ARSG: variants seen among roughly 807,000 people sequenced by gnomAD.
ARSG encodes ASG.
Under a neutral mutation model 50.5 loss-of-function variants are expected in ARSG, and 37 were observed. The observed-to-expected ratio is 0.73, with a 90% CI of 0.56 to 0.96. The LOEUF (loss-of-function observed/expected upper bound fraction) is 0.96, where lower values mean the gene tolerates loss of function less well. Ranked by LOEUF, ARSG falls within the 50% of genes least tolerant of loss-of-function variation. The pLI is 0.00. For missense variants in ARSG, 629 were observed against 675.3 expected (o/e 0.93, Z 0.76); for synonymous variants, 225 against 254.6 (o/e 0.88, Z 1.11).
At chr17:68,348,938 G>A (rs1268350305) in intron 4 of ARSG, among the ~76,000 whole-genome samples, 1 of 152,148 alleles carries the variant, frequency 6.6e-6, no homozygotes, top group Non-Finnish European at 1.5e-5. Context: ...CTATGATTTA[G>A]ATCAGTGGTT....
intron 8 of ARSG, chr17:68,379,949 C>T (rs190645015): frequency 2.4e-5 from 20 of 821,034 alleles, no homozygotes; most frequent in South Asian, 2.2e-4. Flanking sequence ...CTGTGAGATA[C>T]GTACAACTGA....
chr17:68,289,731 G>A (rs527618392), upstream of ARSG, among the ~76,000 whole-genome samples: 1 of 152,286 alleles, frequency 6.6e-6, no homozygotes, highest in African/African-American at 2.4e-5. Flanking sequence ...ACAAGACTAT[G>A]GTGTTGAAAC....
intron 1 of ARSG, chr17:68,268,382 G>C (rs1238118281): frequency 2.6e-5 from 4 of 152,076 alleles, no homozygotes; most frequent in African/African-American, 9.7e-5. Context: ...GATAAGGACT[G>C]GCCATAAAAA....
chr17:68,362,723 T>C (rs8075388), intron 6 of ARSG, among the ~76,000 whole-genome samples: 80,303 of 151,970 alleles, frequency 0.53, 21,375 homozygotes, highest in Admixed American at 0.58. Context: ...GTCAGGTCAG[T>C]GCTCAAACAG....
chr17:68,419,017 C>CCA (rs1555795833), intron 11 of ARSG, among the ~76,000 whole-genome samples: 3 of 112,960 alleles, frequency 2.7e-5, no homozygotes, highest in Non-Finnish European at 5.8e-5. Context: ...ATAGCAAAGC[C>CCA]AAAAAAAAAA....
At chr17:68,364,781 G>T (rs2079466162) in intron 6 of ARSG, among the ~76,000 whole-genome samples, 1 of 152,196 alleles carries the variant, frequency 6.6e-6, no homozygotes, top group Non-Finnish European at 1.5e-5. Flanking sequence ...GAGTCACACT[G>T]TGATATAATC....
At chr17:68,369,770 T>C (rs1335311493) in intron 7 of ARSG, among the ~76,000 whole-genome samples, 1 of 152,108 alleles carries the variant, frequency 6.6e-6, no homozygotes, top group African/African-American at 2.4e-5. Flanking sequence ...GGGTGCATAA[T>C]AGATGCTCAA....
chr17:68,309,257 G>A (rs1400596672), intron 2 of ARSG, among the ~76,000 whole-genome samples: 2 of 152,218 alleles, frequency 1.3e-5, no homozygotes, highest in Non-Finnish European at 2.9e-5. Context: ...GCCCACAAGC[G>A]CAGCACGCAG....
intron 2 of ARSG, among the ~76,000 whole-genome samples, chr17:68,323,941 C>T (rs1035556589): frequency 4.0e-5 from 6 of 151,862 alleles, no homozygotes; most frequent in African/African-American, 7.3e-5. Context: ...GGTGTGGTGG[C>T]GGGTGCCTGT....
chr17:68,286,614 T>C (rs6501351), upstream of ARSG, among the ~76,000 whole-genome samples: 92,818 of 151,744 alleles, frequency 0.61, 28,924 homozygotes, highest in African/African-American at 0.73. Context: ...AAGCGATTCT[T>C]CTGCCTCAGC....
chr17:68,378,394 C>T lies in ARSG; in HGVS notation c.983-6670C>T, dbSNP rs548236416. On this transcript the variant is annotated intron_variant, in intron 8 of 11. Coordinates refer to ENST00000621439, the MANE Select transcript of ARSG (RefSeq NM_001267727.2). This position sits in a 1 kb window ranked among gnomAD's most constrained non-coding sequence, Gnocchi z 4.4. ...CCCCTGCTTGTCTTCCCTTTCCTTT[C>T]CTGGCCGAGCCGCCCAGCTCAGCTG... Among the ~76,000 whole-genome samples, 6 of 152,352 alleles carry T rather than the reference C, an allele frequency of 3.9e-5. No homozygotes were observed. The highest frequency in any genetic ancestry group is 1.4e-4 in the African/African-American group (6 of 41,576).
chr17:68,388,208 G>C (rs1053560378), intron 9 of ARSG, among the ~76,000 whole-genome samples: 1 of 152,150 alleles, frequency 6.6e-6, no homozygotes, highest in African/African-American at 2.4e-5. Flanking sequence ...ATGGGAAAAG[G>C]TTTCAGTAGT....
At position 68,271,644 on chromosome 17, in the gene ARSG, A is replaced by G. The variant is rs1307056501; in HGVS notation, c.-552+12218A>G. Reference sequence around the variant, plus strand: ...ATCTCCAGCCAATGCGCTCCTTCAGAGCCATGATTGCTTGAATAGGCAGGA... The same window carrying G: ...ATCTCCAGCCAATGCGCTCCTTCAGGGCCATGATTGCTTGAATAGGCAGGA... On this transcript the variant is annotated intron_variant, in intron 1 of 11. Coordinates refer to the ARSG transcript ENST00000448504. This position sits in a 1 kb window ranked among gnomAD's most constrained non-coding sequence, Gnocchi z 5.3. 6.2e-7 allele frequency: 1 copy of G among 1,611,274 alleles called. No homozygotes were observed. The highest frequency in any genetic ancestry group is 2.2e-5 in the East Asian group (1 of 44,794).
In ARSG at chr17:68,420,544, C is replaced by T; in HGVS notation, c.*81C>T. 1 of 1,458,300 alleles carries T rather than the reference C, an allele frequency of 6.9e-7. No individual in the cohort carries two copies. The highest frequency in any genetic ancestry group is 2.3e-5 in the East Asian group (1 of 43,922). The allele number at this position is 1,458,300 out of a possible 1,614,324, so 90.3% of individuals were successfully genotyped here. A position where few individuals can be genotyped will look rare whatever the true frequency, so the allele number is the denominator to read the frequency against. ...CCAAATTTCATTTTTACCCTCTTTA[C>T]AAACACACGCTTTAGTTTAGTCTTG... On this transcript the variant is annotated 3_prime_UTR_variant, in exon 12 of 12. Coordinates refer to ENST00000621439, the MANE Select transcript of ARSG (RefSeq NM_001267727.2).
chr17:68,302,168 G>A (rs1048017506), intron 1 of ARSG, among the ~76,000 whole-genome samples: 1 of 152,122 alleles, frequency 6.6e-6, no homozygotes. Context: ...CCGACAACAC[G>A]TGAGCAGCTG....
At chr17:68,365,736 A>G (rs2079514807) in intron 6 of ARSG, among the ~76,000 whole-genome samples, 1 of 152,174 alleles carries the variant, frequency 6.6e-6, no homozygotes, top group South Asian at 2.1e-4. Flanking sequence ...CAATCTCACC[A>G]TGGCTGATTT....
intron 1 of ARSG, among the ~76,000 whole-genome samples, chr17:68,263,141 A>G (rs146211932): frequency 6.6e-6 from 1 of 152,328 alleles, no homozygotes; most frequent in East Asian, 1.9e-4. Flanking sequence ...GGAAATGGAT[A>G]GTCATTGAAG....
chr17:68,365,657 A>G (rs559264033), intron 6 of ARSG, among the ~76,000 whole-genome samples: 2 of 152,316 alleles, frequency 1.3e-5, no homozygotes, highest in Non-Finnish European at 2.9e-5. Flanking sequence ...GCCCATACAC[A>G]TGGTGAGCTG....
intron 1 of ARSG, among the ~76,000 whole-genome samples, chr17:68,281,924 A>G (rs1229093784): frequency 1.3e-5 from 2 of 152,234 alleles, no homozygotes; most frequent in African/African-American, 4.8e-5. Flanking sequence ...TAGTTCAACC[A>G]TGGTGGAAGA....
Sources: gnomAD v4.1 joint callset for allele counts (sites outside exome capture counted in the v4.1 genomes callset) on GRCh38, gnomAD v4.1.1 for gene constraint, Gnocchi (gnomAD v3.1) non-coding constraint, MANE v1.5 for transcripts, NCBI Gene and HGNC (gene_info 2026-07-23, HGNC 2026-07-21) for gene names.